ANKRD24: variants seen among roughly 807,000 people sequenced by gnomAD.
The protein encoded by ANKRD24 is ankyrin repeat domain-containing protein 24.
In ANKRD24, 109 loss-of-function variants were observed where a neutral mutation model predicts 127.8. The observed-to-expected ratio is 0.85, with a 90% CI of 0.73 to 1.00. The LOEUF (loss-of-function observed/expected upper bound fraction) is 1.00. ANKRD24 is among the 50% of genes least tolerant of loss of function. The pLI, the probability that ANKRD24 is intolerant of heterozygous loss-of-function variation, is 0.00. For missense variants in ANKRD24, 1,648 were observed against 1,570.2 expected (o/e 1.05, Z -0.84); for synonymous variants, 743 against 671.1 (o/e 1.11, Z -1.66).
Position 4,199,473 on chromosome 19 carries a change from A to G in ANKRD24, c.37-210A>G. The G allele has an allele frequency of 1.0e-6, 1 of 983,918 alleles. No homozygotes were observed. Among genetic ancestry groups the G allele is most frequent in the Non-Finnish European group, 1.2e-6 (1 of 828,566 alleles). The allele number at this position is 983,918 out of a possible 1,614,324, so 60.9% of individuals were successfully genotyped here. A position where few individuals can be genotyped will look rare whatever the true frequency, so the allele number is the denominator to read the frequency against. Reference sequence around the variant, plus strand: ...GCGATCCTCCCACCTTGGCCTCCCCAGATGCTGGGACTACAGGCGTGAGCC... The same window carrying G: ...GCGATCCTCCCACCTTGGCCTCCCCGGATGCTGGGACTACAGGCGTGAGCC... On this transcript the variant is annotated intron_variant, in intron 2 of 21. Transcript: ENST00000318934. The surrounding 1 kb of genome is among the most constrained non-coding windows in gnomAD (Gnocchi z 5.2).
Position 4,195,754 on chromosome 19 carries a change from C to T in ANKRD24, c.37-3929C>T, listed in dbSNP as rs563598061. Among the ~76,000 whole-genome samples, 22 of 152,190 alleles carry T rather than the reference C, an allele frequency of 1.4e-4. No individual in the cohort carries two copies. The South Asian group carries it at 1.7e-3, about 11-fold the overall frequency. ...TACTAAAATACAAAAATTCGCTAGG[C>T]GTGGTGGCGTGTGCCTGTAATCCCA... On this transcript the variant is annotated intron_variant, in intron 2 of 21. Transcript: ENST00000318934. This position sits in a 1 kb window ranked among gnomAD's most constrained non-coding sequence, Gnocchi z 4.2.
In ANKRD24 at chr19:4,216,587, A is replaced by T; in HGVS notation, c.1427A>T (p.Glu476Val). 1 of 1,612,020 alleles carries T rather than the reference A, an allele frequency of 6.2e-7. No individual in the cohort carries two copies. The highest frequency in any genetic ancestry group is 8.5e-7 in the Non-Finnish European group (1 of 1,179,096). ...TTTGAGAAGGACGAGACACAGATGG[A>T]AGTGGAAGCTTTGGCAGAGGTCATC... ...ENFEKDETQM[E>V]VEALAEVIPL... Residue 476 changes from glutamate to valine, a missense_variant, in exon 18 of 22, where the codon GAA becomes GTA. Physicochemically the swap from Glu to Val is moderately radical, Grantham distance 121 (BLOSUM62 -2). Coordinates refer to ENST00000318934, the MANE Select transcript of ANKRD24 (RefSeq NM_001393985.1).
intron 18 of ANKRD24, among the ~76,000 whole-genome samples, chr19:4,219,084 G>C (rs759909488): frequency 6.6e-6 from 1 of 152,038 alleles, no homozygotes; most frequent in Non-Finnish European, 1.5e-5. Flanking sequence ...TCACAAGTTC[G>C]AGACCAGCCT....
intron 13 of ANKRD24, among the ~76,000 whole-genome samples, chr19:4,211,173 C>G (rs1969717389): frequency 6.6e-6 from 1 of 152,180 alleles, no homozygotes; most frequent in Non-Finnish European, 1.5e-5. Context: ...ATTGGGCATG[C>G]ATCTGTTTTA....
chr19:4,206,547 C>A (rs1307405025), intron 7 of ANKRD24, among the ~76,000 whole-genome samples: 1 of 151,156 alleles, frequency 6.6e-6, no homozygotes, highest in East Asian at 2.0e-4. Context: ...TAATCCCAGC[C>A]CCTTGGGAGG....
At chr19:4,215,830 A>G (rs941379807) in intron 15 of ANKRD24, 148 bp from the exon 16 acceptor site, 1 of 636,326 alleles carries the variant, frequency 1.6e-6, no homozygotes, top group Admixed American at 2.9e-5. Context: ...GAAGGTGCTC[A>G]CTAAATCCTT....
intron 11 of ANKRD24, among the ~76,000 whole-genome samples, chr19:4,209,365 C>T (rs574161394): frequency 3.0e-4 from 46 of 152,066 alleles, no homozygotes; most frequent in Non-Finnish European, 5.6e-4. Flanking sequence ...GCCTCGGCCT[C>T]CCAAAGTGCT....
rs748837111 is a variant in ANKRD24 at position 4,218,055 on chromosome 19, G to A, written c.2895G>A (p.Ser965=). 7.8e-5 allele frequency: 122 copies of A among 1,560,106 alleles called. No individual in the cohort carries two copies. Among genetic ancestry groups the A allele is most frequent in the East Asian group, 2.5e-5 (1 of 40,734 alleles). The change falls in exon 18 of 22, where the codon TCG becomes TCA. Residue 965 remains serine, a synonymous_variant. Transcript: ENST00000318934. ...AGCGTGTGTGCAGCGTGGCGCTCTC[G>A]GAGCACGAACGCATCGTGGGCACCC... is the stretch of plus-strand genomic sequence containing the variant. ...ERERVCSVAL[S]EHERIVGTLQ... is the part of the protein sequence containing the mutation.
Position 4,217,472 on chromosome 19 carries a change from C to CCGAGGGCAG in ANKRD24, c.2315_2323dup (p.Glu772_Ser774dup), listed in dbSNP as rs1970173078. 8 of 1,459,372 alleles carry CCGAGGGCAG rather than the reference C, an allele frequency of 5.5e-6. No individual in the cohort carries two copies. The highest frequency in any genetic ancestry group is 5.2e-5 in the East Asian group (2 of 38,454). 90.4% of individuals were successfully genotyped at this position (1,459,372 alleles called of 1,614,324 possible). ...CGGCTGCGAGAGCGTGTCCGCGAGGCCGAGGGCAGCGGGGCCAGCGGGGGC... is the reference window on the plus strand; with the variant it reads ...CGGCTGCGAGAGCGTGTCCGCGAGGCCGAGGGCAGCGAGGGCAGCGGGGCCAGCGGGGGC... On this transcript the variant is annotated inframe_insertion, in exon 18 of 22. Coordinates refer to ENST00000318934, the MANE Select transcript of ANKRD24 (RefSeq NM_001393985.1).
In ANKRD24 at chr19:4,199,737, A is replaced by G; in HGVS notation, c.91A>G (p.Ile31Val). The change falls in exon 3 of 22, where the codon ATC (isoleucine) becomes GTC (valine). Residue 31 changes from isoleucine to valine, a missense_variant. Physicochemically the swap from Ile to Val is conservative, Grantham distance 29. Transcript: ENST00000318934. The surrounding 1 kb of genome is among the most constrained non-coding windows in gnomAD (Gnocchi z 5.2). ...GSCPPCGPCP[I>V]PKPAARGRRQ... is the part of the protein sequence containing the mutation. ...CTGCCCGCCCTGCGGCCCCTGCCCC[A>G]TCCCGAAGCCGGCAGCCAGAGGCAG... 2.0e-6 allele frequency: 3 copies of G among 1,538,180 alleles called. No homozygotes were observed. Among genetic ancestry groups the G allele is most frequent in the Non-Finnish European group, 2.6e-6 (3 of 1,144,674 alleles).
At chr19:4,223,980 G>C in intron 20 of ANKRD24, 147 bp from the exon 21 acceptor site, 1 of 661,124 alleles carries the variant, frequency 1.5e-6, no homozygotes, top group Non-Finnish European at 2.5e-6. Flanking sequence ...GATTACAAAT[G>C]TATGCCACTA....
rs1970222785 is a variant in ANKRD24 at position 4,218,026 on chromosome 19, CGGGAGCGT to C, written c.2868_2875del (p.Glu957ValfsTer34). 2 of 1,556,632 alleles carry C rather than the reference CGGGAGCGT, an allele frequency of 1.3e-6. No homozygotes were observed. The highest frequency in any genetic ancestry group is 2.8e-5 in the African/African-American group (2 of 71,890). ...CGCCCGGCTGCGCGCGGAGCTGGAG[CGGGAGCGT>C]GTGTGCAGCGTGGCGCTCTCGGAGC... On this transcript the variant is annotated frameshift_variant, in exon 18 of 22. Transcript: ENST00000318934. LOFTEE classifies it high-confidence loss of function.
intron 5 of ANKRD24, among the ~76,000 whole-genome samples, chr19:4,200,391 G>C (rs1394705242): frequency 6.6e-6 from 1 of 152,196 alleles, no homozygotes; most frequent in Non-Finnish European, 1.5e-5. Context: ...AAAGCCAGTG[G>C]ACAGCTTGTG....
At chr19:4,196,285 C>T (rs939840193) in intron 2 of ANKRD24, among the ~76,000 whole-genome samples, 1 of 152,194 alleles carries the variant, frequency 6.6e-6, no homozygotes, top group Non-Finnish European at 1.5e-5. Context: ...AAGCCCCTGT[C>T]ACCTGTCTGC....
intron 19 of ANKRD24, 71 bp downstream of exon 19, chr19:4,219,829 G>T: frequency 6.8e-7 from 1 of 1,474,306 alleles, no homozygotes; most frequent in Non-Finnish European, 9.1e-7. Context: ...AATCTACGAA[G>T]GTCCTCACTG....
rs560706247 is a variant in ANKRD24 at position 4,207,955 on chromosome 19, C to T, written c.819C>T (p.Pro273=). 3 of 1,508,762 alleles carry T rather than the reference C, an allele frequency of 2.0e-6. No individual in the cohort carries two copies. In the East Asian group the frequency reaches 7.1e-5, roughly 36 times the overall value. The allele number at this position is 1,508,762 out of a possible 1,614,324, so 93.5% of individuals were successfully genotyped here. Residue 273 remains proline (P), a synonymous_variant, in exon 10 of 22, where the codon CCC becomes CCT. Transcript: ENST00000318934. ...LHLLQEAAQR[P]SPPSALTEDD... ...TTCTGCAAGAGGCGGCCCAGCGCCC[C>T]TCCCCACCCAGCGGTATGCAAGCCC...
At chr19:4,202,168 T>G in intron 6 of ANKRD24, 78 bp downstream of exon 6, 1 of 1,336,228 alleles carries the variant, frequency 7.5e-7, no homozygotes, top group Non-Finnish European at 1.1e-6. Context: ...AACCCCCAGA[T>G]GCTCTATGAA....
At chr19:4,187,238 C>T (rs1568310170) in intron 2 of ANKRD24, among the ~76,000 whole-genome samples, 1 of 151,936 alleles carries the variant, frequency 6.6e-6, no homozygotes, top group Admixed American at 6.6e-5. Flanking sequence ...CATGGTGAAA[C>T]GTTGTCTCTA....
intron 15 of ANKRD24, among the ~76,000 whole-genome samples, chr19:4,213,968 A>G (rs73524639): frequency 0.017 from 2,514 of 152,176 alleles, 76 homozygotes; most frequent in African/African-American, 0.057. Context: ...ATACGCATCC[A>G]TGCAGGGATG....
Sources: allele counts gnomAD v4.1 joint callset (sites outside exome capture counted in the v4.1 genomes callset), GRCh38; gene constraint gnomAD v4.1.1; non-coding constraint Gnocchi (gnomAD v3.1); transcripts MANE v1.5; gene names NCBI Gene and HGNC (gene_info 2026-07-23, HGNC 2026-07-21).